ANKRD30B: variants seen among roughly 807,000 people sequenced by gnomAD.
ANKRD30B encodes ankyrin repeat domain 30B, also known as ankyrin repeat domain-containing protein 30B.
In ANKRD30B, 144 loss-of-function variants were observed where a neutral mutation model predicts 202.2. The ratio of observed to expected loss-of-function variants is 0.71; its 90% CI spans 0.62 to 0.82. The LOEUF (loss-of-function observed/expected upper bound fraction) is 0.82, where lower values mean the gene tolerates loss of function less well. Ranked by LOEUF, ANKRD30B falls within the 40% of genes least tolerant of loss-of-function variation. ANKRD30B has a pLI of 0.00. For missense variants in ANKRD30B, 1,487 were observed against 1,669.1 expected, an observed-to-expected ratio of 0.89 and a Z score of 1.90; for synonymous variants, 508 against 561.3, an observed-to-expected ratio of 0.91 and a Z score of 1.34.
chr18:14,927,333 C>T, the ANKRD30B span, among the ~76,000 whole-genome samples: 1 of 152,222 alleles, frequency 6.6e-6, no homozygotes, highest in South Asian at 2.1e-4. Flanking sequence ...CCACCTAGCT[C>T]ACATGCCCTA....
intron 30 of ANKRD30B, among the ~76,000 whole-genome samples, chr18:14,815,842 T>C (rs1282521011): frequency 1.3e-5 from 2 of 152,194 alleles, no homozygotes; most frequent in African/African-American, 4.8e-5. Flanking sequence ...TCTTCCTCCA[T>C]GAGTGGATCA....
At chr18:14,936,008 T>C in the ANKRD30B span, among the ~76,000 whole-genome samples, 1 of 152,218 alleles carries the variant, frequency 6.6e-6, no homozygotes, top group East Asian at 1.9e-4. Context: ...AGAAAGGCAG[T>C]CAATTGCTGT....
At chr18:14,938,799 G>A in the ANKRD30B span, among the ~76,000 whole-genome samples, 2 of 152,330 alleles carry the variant, frequency 1.3e-5, no homozygotes, top group South Asian at 4.1e-4. Context: ...TGATGCGTGT[G>A]GGACTGGACA....
the ANKRD30B span, among the ~76,000 whole-genome samples, chr18:14,920,440 T>TCACTATAGTGTCTAGAAAGACA: frequency 6.6e-6 from 1 of 152,050 alleles, no homozygotes; most frequent in Admixed American, 6.6e-5. Context: ...CACCATAGAG[T>TCACTATAGTGTCTAGAAAGACA]CACTATAGTG....
At chr18:14,919,783 T>C in the ANKRD30B span, among the ~76,000 whole-genome samples, 4 of 152,252 alleles carry the variant, frequency 2.6e-5, no homozygotes, top group East Asian at 7.7e-4. Flanking sequence ...GATACCCAAC[T>C]TACTTTTCTG....
At chr18:14,893,336 C>T in the ANKRD30B span, among the ~76,000 whole-genome samples, 42 of 152,236 alleles carry the variant, frequency 2.8e-4, no homozygotes, top group African/African-American at 6.7e-4. Flanking sequence ...ATGGGCTGGG[C>T]GCAGTGGCTC....
chr18:14,751,986 C>CA (rs1356479730), intron 1 of ANKRD30B, among the ~76,000 whole-genome samples: 1 of 152,114 alleles, frequency 6.6e-6, no homozygotes. Flanking sequence ...AATGGCATTT[C>CA]AATGTCAGAG....
intron 7 of ANKRD30B, among the ~76,000 whole-genome samples, chr18:14,768,977 A>G (rs1916684362): frequency 6.6e-6 from 1 of 152,210 alleles, no homozygotes; most frequent in Non-Finnish European, 1.5e-5. Flanking sequence ...TTCTTAATGC[A>G]TTAATTTCCT....
At chr18:14,799,578 G>A (rs1357791092) in intron 22 of ANKRD30B, among the ~76,000 whole-genome samples, 2 of 151,990 alleles carry the variant, frequency 1.3e-5, no homozygotes, top group East Asian at 3.9e-4. Flanking sequence ...CGGTTTTAAG[G>A]CAGGTGAATT....
At chr18:14,903,599 C>T in the ANKRD30B span, 1 of 152,194 alleles carries the variant, frequency 6.6e-6, no homozygotes, top group African/African-American at 2.4e-5. Context: ...TCCTTGGATA[C>T]TCCCTCTGGT....
chr18:14,875,762 A>C, the ANKRD30B span, among the ~76,000 whole-genome samples: 1 of 152,202 alleles, frequency 6.6e-6, no homozygotes, highest in Non-Finnish European at 1.5e-5. Flanking sequence ...AAGCAGTATC[A>C]TACAGGAGAA....
intron 28 of ANKRD30B, among the ~76,000 whole-genome samples, chr18:14,810,656 T>G (rs1969865125): frequency 6.6e-6 from 1 of 151,082 alleles, no homozygotes; most frequent in African/African-American, 2.5e-5. Flanking sequence ...GACATATAAT[T>G]TTTAAAAATC....
At chr18:14,811,436 C>T (rs1324098306) in intron 28 of ANKRD30B, among the ~76,000 whole-genome samples, 2 of 151,074 alleles carry the variant, frequency 1.3e-5, no homozygotes, top group African/African-American at 2.4e-5. Flanking sequence ...TGGTCTTGAC[C>T]TGCTGACCTT....
chr18:14,795,941 A>G (rs1968853820), intron 16 of ANKRD30B, among the ~76,000 whole-genome samples: 1 of 151,526 alleles, frequency 6.6e-6, no homozygotes, highest in African/African-American at 2.4e-5. Flanking sequence ...TCTTACTGGT[A>G]TTAGGATTTT....
intron 7 of ANKRD30B, among the ~76,000 whole-genome samples, chr18:14,767,318 A>C (rs953936222): frequency 2.6e-5 from 4 of 152,230 alleles, no homozygotes; most frequent in Non-Finnish European, 5.9e-5. Context: ...AACTGTGAAT[A>C]GTATGAAACC....
the ANKRD30B span, among the ~76,000 whole-genome samples, chr18:14,879,011 G>A: frequency 2.6e-5 from 4 of 151,978 alleles, no homozygotes; most frequent in Admixed American, 6.6e-5. Flanking sequence ...GCACAGACCT[G>A]GGCAGGCAGG....
At position 14,799,136 on chromosome 18, in the gene ANKRD30B, A is replaced by G. The variant is rs1436621102; in HGVS notation, c.2058+7A>G. ...TAATGATGGTCTTCTGAAGGTAATA[A>G]CTTTTATATTTTTATCTTGAATATT... On this transcript the variant is annotated splice_region_variant and intron_variant, in intron 21 of 43. Coordinates refer to ENST00000690538, the MANE Select transcript of ANKRD30B (RefSeq NM_001367607.2). The G allele has an allele frequency of 3.8e-6, 6 of 1,580,852 alleles. No individual in the cohort carries two copies. Among genetic ancestry groups the G allele is most frequent in the Non-Finnish European group, 5.2e-6 (6 of 1,152,612 alleles).
chr18:14,827,246 T>G (rs1970706711), intron 32 of ANKRD30B, among the ~76,000 whole-genome samples: 1 of 152,190 alleles, frequency 6.6e-6, no homozygotes, highest in South Asian at 2.1e-4. Context: ...ATTCATGACC[T>G]GGATGAGATG....
At chr18:14,879,832 G>T in the ANKRD30B span, among the ~76,000 whole-genome samples, 3 of 151,900 alleles carry the variant, frequency 2.0e-5, no homozygotes, top group East Asian at 3.9e-4. Context: ...CCACTTTGTG[G>T]GTTGTCTACT....
Sources: gnomAD v4.1 joint callset for allele counts (sites outside exome capture counted in the v4.1 genomes callset) on GRCh38, gnomAD v4.1.1 for gene constraint, MANE v1.5 for transcripts, NCBI Gene and HGNC (gene_info 2026-07-23, HGNC 2026-07-21) for gene names.